Variants in MACROD2 observed in about 807,000 individuals in gnomAD.
MACROD2 encodes the protein ADP-ribose glycohydrolase MACROD2.
In MACROD2, 36 loss-of-function variants were observed where a neutral mutation model predicts 70.4. That is an observed-to-expected ratio of 0.51 (90% CI 0.39 to 0.68). The LOEUF is 0.68. MACROD2 is among the 30% of genes least tolerant of loss of function. The pLI is 0.00. For synonymous variants in MACROD2, 172 were observed against 178.8 expected (o/e 0.96, Z 0.30); for missense variants, 496 against 538.4 (o/e 0.92, Z 0.78).
intron 3 of MACROD2, among the ~76,000 whole-genome samples, chr20:14,341,046 C>CA (rs1475577506): frequency 1.3e-5 from 2 of 152,200 alleles, no homozygotes; most frequent in African/African-American, 4.8e-5. Flanking sequence ...CTGACTAAAA[C>CA]ACACAGTCAT....
chr20:15,393,589 C>T (rs1039493734), intron 6 of MACROD2, among the ~76,000 whole-genome samples: 1 of 152,042 alleles, frequency 6.6e-6, no homozygotes, highest in Middle Eastern at 3.2e-3. Flanking sequence ...TTTCTTTGGC[C>T]CTATCTCTGG....
intron 8 of MACROD2, among the ~76,000 whole-genome samples, chr20:15,833,289 T>A (rs2064077983): frequency 1.3e-5 from 2 of 152,220 alleles, no homozygotes. Flanking sequence ...TTGTTCAGCC[T>A]GTGAGCATGG....
intron 4 of MACROD2, among the ~76,000 whole-genome samples, chr20:14,597,563 C>T (rs1259206123): frequency 1.3e-5 from 2 of 152,102 alleles, no homozygotes; most frequent in African/African-American, 4.8e-5. Flanking sequence ...AAGAAACTGG[C>T]TTATCCAACT....
intron 5 of MACROD2, among the ~76,000 whole-genome samples, chr20:15,130,248 C>T (rs1011157904): frequency 5.3e-5 from 8 of 151,928 alleles, no homozygotes; most frequent in African/African-American, 1.7e-4. Context: ...TGACCATTCA[C>T]CATTCATCCA....
At chr20:14,475,222 AAG>A (rs757531962) in intron 3 of MACROD2, among the ~76,000 whole-genome samples, 24 of 152,154 alleles carry the variant, frequency 1.6e-4, no homozygotes, top group Non-Finnish European at 3.1e-4. Flanking sequence ...TTAAAAAGAA[AAG>A]AATCACACAA....
intron 3 of MACROD2, among the ~76,000 whole-genome samples, chr20:14,276,006 G>A (rs1446278571): frequency 7.2e-5 from 11 of 151,778 alleles, no homozygotes; most frequent in South Asian, 6.2e-4. Flanking sequence ...TGGAGAAATA[G>A]GAACACTTTT....
chr20:15,400,579 A>C (rs1001085394), intron 6 of MACROD2, among the ~76,000 whole-genome samples: 6 of 152,200 alleles, frequency 3.9e-5, no homozygotes, highest in Non-Finnish European at 8.8e-5. Flanking sequence ...GAAGCCAGGT[A>C]TGCAGGATTA....
intron 3 of MACROD2, among the ~76,000 whole-genome samples, chr20:14,400,328 T>A (rs56754588): frequency 1.3e-5 from 2 of 152,164 alleles, no homozygotes; most frequent in East Asian, 1.9e-4. Context: ...TTTTGAGTAC[T>A]CTCCCTGATG....
chr20:14,165,658 G>A (rs2055257169), intron 3 of MACROD2, among the ~76,000 whole-genome samples: 1 of 152,154 alleles, frequency 6.6e-6, no homozygotes, highest in Non-Finnish European at 1.5e-5. Flanking sequence ...ACATTGAAAT[G>A]TGTTTTGATT....
intron 8 of MACROD2, among the ~76,000 whole-genome samples, chr20:15,627,596 C>G (rs1361199250): frequency 6.6e-6 from 1 of 151,966 alleles, no homozygotes; most frequent in South Asian, 2.1e-4. Context: ...TCCTCTTGAG[C>G]TGACTTACTT....
intron 8 of MACROD2, among the ~76,000 whole-genome samples, chr20:15,757,552 C>A (rs1187402150): frequency 6.6e-6 from 1 of 152,118 alleles, no homozygotes; most frequent in East Asian, 1.9e-4. Flanking sequence ...CTGAATTCTA[C>A]CATCTACTGT....
At position 14,238,006 on chromosome 20, in the gene MACROD2, C is replaced by G. The variant is rs8119158; in HGVS notation, c.271+152278C>G. Among the ~76,000 whole-genome samples the G allele has an allele frequency of 8.5e-3, 1,291 of 152,070 alleles. 22 individuals carry two copies. The highest frequency in any genetic ancestry group is 0.029 in the African/African-American group (1,218 of 41,454). ...TGTGAATAGTGCCACAATAAACATACGTGTGCATGTGTCTTTATAGCAGCA... is the reference window on the plus strand; with the variant it reads ...TGTGAATAGTGCCACAATAAACATAGGTGTGCATGTGTCTTTATAGCAGCA... On this transcript the variant is annotated intron_variant, in intron 3 of 17. Coordinates refer to ENST00000684519, the MANE Select transcript of MACROD2 (RefSeq NM_001351661.2).
chr20:15,919,674 G>T (rs554958062), intron 10 of MACROD2, among the ~76,000 whole-genome samples: 8 of 152,324 alleles, frequency 5.3e-5, no homozygotes, highest in African/African-American at 1.9e-4. Flanking sequence ...GACGGAGGTT[G>T]CAGTGAGCTG....
intron 5 of MACROD2, among the ~76,000 whole-genome samples, chr20:15,045,246 G>T (rs750207219): frequency 6.6e-6 from 1 of 152,160 alleles, no homozygotes; most frequent in Non-Finnish European, 1.5e-5. Flanking sequence ...ACAGCTTCAC[G>T]CAGCTAAATT....
chr20:14,983,531 C>T (rs1459254388), intron 5 of MACROD2, among the ~76,000 whole-genome samples: 1 of 152,006 alleles, frequency 6.6e-6, no homozygotes, highest in African/African-American at 2.4e-5. Flanking sequence ...ATGCTGTTCT[C>T]GTGATAGGGA....
At chr20:14,947,193 T>G (rs1323383795) in intron 5 of MACROD2, among the ~76,000 whole-genome samples, 2 of 152,212 alleles carry the variant, frequency 1.3e-5, no homozygotes, top group Non-Finnish European at 2.9e-5. Flanking sequence ...GTCAAAGTTG[T>G]CTTACAGAAA....
At chr20:14,684,648 A>ACC (rs11467642) in intron 4 of MACROD2, among the ~76,000 whole-genome samples, 195 bp from the exon 5 acceptor site, 74 of 134,800 alleles carry the variant, frequency 5.5e-4, no homozygotes, top group South Asian at 1.9e-3. Flanking sequence ...ACATAACCTC[A>ACC]CCCCCCCCCC....
intron 5 of MACROD2, among the ~76,000 whole-genome samples, chr20:14,693,461 A>G (rs2123615954): frequency 6.6e-6 from 1 of 152,308 alleles, no homozygotes; most frequent in East Asian, 1.9e-4. Context: ...ATGCTGAGTA[A>G]AAGTGTAGAT....
At chr20:15,974,598 C>T (rs1257564099) in intron 13 of MACROD2, among the ~76,000 whole-genome samples, 2 of 151,968 alleles carry the variant, frequency 1.3e-5, no homozygotes, top group East Asian at 3.9e-4. Flanking sequence ...ATGGTAGATA[C>T]ATTTCATTAT....
Sources: allele counts gnomAD v4.1 joint callset (sites outside exome capture counted in the v4.1 genomes callset), GRCh38; gene constraint gnomAD v4.1.1; transcripts MANE v1.5; gene names NCBI Gene and HGNC (gene_info 2026-07-23, HGNC 2026-07-21).